Variants in SPATA6 observed in about 807,000 individuals in gnomAD.
SPATA6 encodes spermatogenesis associated 6, also known as spermatogenesis-associated protein 6.
A neutral mutation model predicts 65.3 loss-of-function variants in SPATA6; 56 were observed. That is an observed-to-expected ratio of 0.86 (90% CI 0.69 to 1.07). The LOEUF is 1.07. Ranked by LOEUF, SPATA6 falls within the 50% of genes least tolerant of loss-of-function variation. The pLI, the probability that SPATA6 is intolerant of heterozygous loss-of-function variation, is 0.00. For missense variants in SPATA6, 590 were observed against 594.8 expected (o/e 0.99, Z 0.08); for synonymous variants, 199 against 213.2 (o/e 0.93, Z 0.58).
At chr1:48,465,917 G>T (rs1657773546) in intron 1 of SPATA6, among the ~76,000 whole-genome samples, 1 of 151,932 alleles carries the variant, frequency 6.6e-6, no homozygotes, top group Admixed American at 6.6e-5. Flanking sequence ...ACAGATAATT[G>T]ATTATCAACT....
chr1:48,277,583 C>T, the SPATA6 span, among the ~76,000 whole-genome samples: 3 of 152,244 alleles, frequency 2.0e-5, no homozygotes, highest in Admixed American at 6.5e-5. Context: ...ATTGCTAGCA[C>T]AGCAGTGTGA....
At chr1:48,452,173 G>A (rs1656628522) in intron 2 of SPATA6, among the ~76,000 whole-genome samples, 1 of 152,000 alleles carries the variant, frequency 6.6e-6, no homozygotes, top group African/African-American at 2.4e-5. Context: ...TGTCCTCAGT[G>A]CCTAGAAAAG....
intron 1 of SPATA6, among the ~76,000 whole-genome samples, chr1:48,466,437 T>G (rs558122570): frequency 6.6e-6 from 1 of 152,126 alleles, no homozygotes; most frequent in East Asian, 1.9e-4. Context: ...ACACAAATAC[T>G]TAGTAATAAG....
chr1:48,281,055 G>A, the SPATA6 span, among the ~76,000 whole-genome samples: 1 of 152,052 alleles, frequency 6.6e-6, no homozygotes, highest in African/African-American at 2.4e-5. Context: ...ACATAATCCA[G>A]CATATAAACA....
At chr1:48,451,732 C>G in intron 2 of SPATA6, 132 bp from the exon 3 acceptor site, 1 of 741,390 alleles carries the variant, frequency 1.3e-6, no homozygotes, top group East Asian at 3.0e-5. Context: ...GTTCCTCTCT[C>G]CTTCCCATCA....
chr1:48,405,529 G>C (rs1194630438), intron 5 of SPATA6, among the ~76,000 whole-genome samples: 1 of 152,148 alleles, frequency 6.6e-6, no homozygotes, highest in Non-Finnish European at 1.5e-5. Context: ...TTCATTCCCA[G>C]GGCTGTTGGC....
intron 11 of SPATA6, among the ~76,000 whole-genome samples, chr1:48,307,137 G>A (rs76432150): frequency 3.3e-5 from 5 of 151,612 alleles, no homozygotes; most frequent in African/African-American, 9.6e-5. Context: ...CCTGTAGTGA[G>A]TGTGAAAGAC....
chr1:48,262,242 G>T, the SPATA6 span: 1 of 152,014 alleles, frequency 6.6e-6, no homozygotes, highest in Non-Finnish European at 1.5e-5. Flanking sequence ...ATTAAAAAAG[G>T]GTTTTTAGCC....
At chr1:48,337,724 G>A (rs926359496) in intron 11 of SPATA6, among the ~76,000 whole-genome samples, 1 of 151,808 alleles carries the variant, frequency 6.6e-6, no homozygotes, top group African/African-American at 2.4e-5. Context: ...AAACAGAATT[G>A]TAAAAGGTAT....
chr1:48,375,324 T>G (rs1647762707), intron 9 of SPATA6, among the ~76,000 whole-genome samples: 1 of 152,164 alleles, frequency 6.6e-6, no homozygotes, highest in South Asian at 2.1e-4. Context: ...TGTATCTCTT[T>G]GTCTTTGTCA....
chr1:48,460,033 T>C (rs901892116), intron 1 of SPATA6, among the ~76,000 whole-genome samples: 1 of 152,110 alleles, frequency 6.6e-6, no homozygotes, highest in Non-Finnish European at 1.5e-5. Flanking sequence ...TGCAGTGGCA[T>C]GATCATAGCT....
intron 3 of SPATA6, among the ~76,000 whole-genome samples, chr1:48,421,868 G>T (rs987626379): frequency 6.6e-6 from 1 of 152,116 alleles, no homozygotes; most frequent in African/African-American, 2.4e-5. Context: ...CACATATCTG[G>T]ATGGGAAGAA....
intron 6 of SPATA6, among the ~76,000 whole-genome samples, chr1:48,402,332 T>C (rs1455718186): frequency 6.6e-6 from 1 of 152,034 alleles, no homozygotes; most frequent in South Asian, 2.1e-4. Flanking sequence ...AGACAAAAAG[T>C]TAAAAAGAAA....
chr1:48,320,597 T>C (rs1570103867), intron 11 of SPATA6, among the ~76,000 whole-genome samples: 1 of 152,310 alleles, frequency 6.6e-6, no homozygotes, highest in Middle Eastern at 3.4e-3. Flanking sequence ...AGCAGACCTG[T>C]CCTATGAGAA....
At chr1:48,284,100 C>A in the SPATA6 span, among the ~76,000 whole-genome samples, 1 of 151,860 alleles carries the variant, frequency 6.6e-6, no homozygotes, top group African/African-American at 2.4e-5. Flanking sequence ...TCATGTAATC[C>A]CATATTTCTT....
chr1:48,283,678 CA>C, the SPATA6 span, among the ~76,000 whole-genome samples: 29 of 60,834 alleles, frequency 4.8e-4, no homozygotes, highest in African/African-American at 1.5e-3. Flanking sequence ...GACTCCGTCT[CA>C]AAAAAAAAAA....
intron 9 of SPATA6, among the ~76,000 whole-genome samples, chr1:48,371,268 T>C (rs1203596657): frequency 1.0e-5 from 1 of 98,844 alleles, no homozygotes; most frequent in Non-Finnish European, 2.3e-5. Context: ...AATATGTATC[T>C]ATATAGATAG....
intron 3 of SPATA6, among the ~76,000 whole-genome samples, chr1:48,438,715 T>C (rs1302158336): frequency 6.6e-6 from 1 of 152,178 alleles, no homozygotes; most frequent in African/African-American, 2.4e-5. Context: ...CTCTCGCCTC[T>C]TTTCTCCGAG....
At chr1:48,277,951 C>T in the SPATA6 span, among the ~76,000 whole-genome samples, 1 of 152,210 alleles carries the variant, frequency 6.6e-6, no homozygotes, top group South Asian at 2.1e-4. Context: ...CGGACTGACA[C>T]CTCACATGGC....
Sources: allele counts gnomAD v4.1 joint callset (sites outside exome capture counted in the v4.1 genomes callset), GRCh38; gene constraint gnomAD v4.1.1; transcripts MANE v1.5; gene names NCBI Gene and HGNC (gene_info 2026-07-23, HGNC 2026-07-21).